The following RYR2 variants were observed in gnomAD, a reference collection of about 807,000 sequenced individuals.
The protein encoded by RYR2 is ryanodine receptor 2.
In RYR2, 227 loss-of-function variants were observed where a neutral mutation model predicts 601.1. That is an observed-to-expected ratio of 0.38 (90% confidence interval 0.34 to 0.42). RYR2 has a LOEUF of 0.42. RYR2 is among the 10% of genes least tolerant of loss of function. The pLI, the probability that RYR2 is intolerant of heterozygous loss-of-function variation, is 1.00. For synonymous variants in RYR2, 2,223 were observed against 2,175.1 expected, an observed-to-expected ratio of 1.02 and a Z score of -0.61; for missense variants, 4,646 against 6,156.5, an observed-to-expected ratio of 0.75 and a Z score of 8.21.
chr1:237,672,212 G>A (rs1685011417), intron 58 of RYR2, among the ~76,000 whole-genome samples: 1 of 152,342 alleles, frequency 6.6e-6, no homozygotes, highest in African/African-American at 2.4e-5. Context: ...GGTGAGAAGA[G>A]TTTCAGAGTT....
chr1:237,339,303 T>C lies in RYR2; in HGVS notation c.273+8321T>C, dbSNP rs560512799. On this transcript the variant is annotated intron_variant, in intron 3 of 104. Coordinates refer to ENST00000366574, the MANE Select transcript of RYR2 (RefSeq NM_001035.3). ...TGATAAGAACTCAACAAATTGAGCA[T>C]TTATATATATCTTCATTTGTTTATT... Among the ~76,000 whole-genome samples, 7 of 152,292 alleles carry C rather than the reference T, an allele frequency of 4.6e-5. No homozygotes were observed. The South Asian group carries it at 1.2e-3, about 27-fold the overall frequency.
intron 4 of RYR2, among the ~76,000 whole-genome samples, chr1:237,363,880 C>T (rs16835168): frequency 0.3 from 46,223 of 151,998 alleles, 7,245 homozygotes; most frequent in East Asian, 0.32. Flanking sequence ...TTGCATGAAA[C>T]GAGAGCCGCT....
intron 8 of RYR2, among the ~76,000 whole-genome samples, chr1:237,380,463 T>C (rs1364621030): frequency 7.5e-6 from 1 of 133,644 alleles, no homozygotes; most frequent in African/African-American, 2.9e-5. Flanking sequence ...GGGCTAATCA[T>C]GTAACCTTTA....
At chr1:237,220,326 G>T (rs775215396) in intron 1 of RYR2, among the ~76,000 whole-genome samples, 1 of 152,200 alleles carries the variant, frequency 6.6e-6, no homozygotes, top group Non-Finnish European at 1.5e-5. Context: ...ATCCCAGTCC[G>T]GTTTCTTTGG....
chr1:237,830,238 C>T (rs572859216), intron 102 of RYR2: 87 of 291,610 alleles, frequency 3.0e-4, no homozygotes, highest in African/African-American at 1.9e-3. Context: ...GACATTTTCA[C>T]CTAGGCTAGA....
chr1:237,208,688 CAG>C (rs948569646), intron 1 of RYR2, among the ~76,000 whole-genome samples: 1 of 151,860 alleles, frequency 6.6e-6, no homozygotes, highest in African/African-American at 2.4e-5. Flanking sequence ...TATGACCTCA[CAG>C]AGTTACCTTT....
chr1:237,463,229 A>T (rs1377411341), intron 16 of RYR2, among the ~76,000 whole-genome samples: 1 of 152,142 alleles, frequency 6.6e-6, no homozygotes, highest in Non-Finnish European at 1.5e-5. Flanking sequence ...TAGTGTTTCC[A>T]GGCTTTGAAT....
At chr1:237,261,702 C>T (rs1172876816) in intron 1 of RYR2, among the ~76,000 whole-genome samples, 1 of 152,166 alleles carries the variant, frequency 6.6e-6, no homozygotes, top group East Asian at 1.9e-4. Context: ...TCTAGACCAG[C>T]CTGGGCAACA....
intron 3 of RYR2, among the ~76,000 whole-genome samples, chr1:237,331,232 C>T (rs866370206): frequency 2.0e-5 from 3 of 152,080 alleles, no homozygotes; most frequent in African/African-American, 7.2e-5. Flanking sequence ...TGTTTAAAAC[C>T]GACCTTTCTT....
chr1:237,301,741 G>T (rs547147624), intron 2 of RYR2, among the ~76,000 whole-genome samples: 1 of 152,280 alleles, frequency 6.6e-6, no homozygotes, highest in East Asian at 1.9e-4. Context: ...TAAAGTGCTT[G>T]CCTTTTCTTT....
At chr1:237,620,699 A>T (rs141699451) in intron 38 of RYR2, among the ~76,000 whole-genome samples, 1 of 152,194 alleles carries the variant, frequency 6.6e-6, no homozygotes, top group Non-Finnish European at 1.5e-5. Context: ...TACCAAGGAG[A>T]TAAGGATCAT....
chr1:237,640,828 G>A, intron 46 of RYR2, 69 bp from the exon 47 acceptor site: 3 of 1,223,052 alleles, frequency 2.5e-6, no homozygotes, highest in Non-Finnish European at 3.6e-6. Flanking sequence ...TCCTCGGAGA[G>A]ATATGTAATA....
chr1:237,294,367 C>T (rs565651900), intron 2 of RYR2, among the ~76,000 whole-genome samples: 1 of 151,692 alleles, frequency 6.6e-6, no homozygotes, highest in African/African-American at 2.4e-5. Flanking sequence ...TAGCTACTAC[C>T]AATCAGTAGT....
At chr1:237,232,984 A>G (rs932116458) in intron 1 of RYR2, among the ~76,000 whole-genome samples, 24 of 152,218 alleles carry the variant, frequency 1.6e-4, no homozygotes, top group African/African-American at 5.8e-4. Flanking sequence ...ATGTGTTTCA[A>G]CATGGAAGTC....
chr1:237,697,285 C>T (rs1345056647), intron 63 of RYR2, among the ~76,000 whole-genome samples: 2 of 148,866 alleles, frequency 1.3e-5, no homozygotes, highest in Non-Finnish European at 3.0e-5. Context: ...CTCATGAGCA[C>T]TATCCCTGTT....
rs561236252 is a variant in RYR2, at chr1:237,433,859, AAG to A, written c.1006-7459_1006-7458del. ...CCCATGAAGAGTACTTACATTATGA[AAG>A]GCAAACACTTAAAAAAAATGATGTA... On this transcript the variant is annotated intron_variant, in intron 12 of 104. Coordinates refer to ENST00000366574, the MANE Select transcript of RYR2 (RefSeq NM_001035.3). 1.3e-3 allele frequency among the ~76,000 whole-genome samples: 200 copies of A among 152,308 alleles called. 1 individual carries two copies. Among genetic ancestry groups the A allele is most frequent in the African/African-American group, 3.9e-3 (163 of 41,578 alleles).
chr1:237,294,246 A>G (rs1481202518), intron 2 of RYR2, among the ~76,000 whole-genome samples: 3 of 152,098 alleles, frequency 2.0e-5, no homozygotes, highest in Non-Finnish European at 4.4e-5. Flanking sequence ...ACAGTATCAC[A>G]AGAGTTAATT....
intron 14 of RYR2, among the ~76,000 whole-genome samples, chr1:237,447,758 CTTTT>C (rs1657550836): frequency 6.7e-6 from 1 of 148,212 alleles, no homozygotes. Context: ...TTCTTTCTTT[CTTTT>C]CTTTCCGTCT....
intron 44 of RYR2, among the ~76,000 whole-genome samples, chr1:237,637,969 G>T (rs1204783279): frequency 6.6e-6 from 1 of 152,078 alleles, no homozygotes; most frequent in East Asian, 1.9e-4. Flanking sequence ...GGCTGAGGCT[G>T]CTGCTTTATT....
Sources: allele counts gnomAD v4.1 joint callset (sites outside exome capture counted in the v4.1 genomes callset), GRCh38; gene constraint gnomAD v4.1.1; transcripts MANE v1.5; gene names NCBI Gene and HGNC (gene_info 2026-07-23, HGNC 2026-07-21).